SLC47A1: variants seen among roughly 807,000 people sequenced by gnomAD.
SLC47A1 encodes multidrug and toxin extrusion protein 1.
Under a neutral mutation model 65.8 loss-of-function variants are expected in SLC47A1, and 58 were observed. The observed-to-expected ratio is 0.88, with a 90% CI of 0.71 to 1.10. The LOEUF is 1.10. Among genes scored for constraint, SLC47A1 ranks in the 50% least tolerant of loss-of-function variants. SLC47A1 has a pLI of 0.00. For synonymous variants in SLC47A1, 285 were observed against 295.0 expected, an observed-to-expected ratio of 0.97 and a Z score of 0.35; for missense variants, 706 against 719.2, an observed-to-expected ratio of 0.98 and a Z score of 0.21.
At position 19,560,489 on chromosome 17, in the gene SLC47A1, G is replaced by A. The variant is rs551319180; in HGVS notation, c.1102G>A (p.Asp368Asn). The stretch of plus-strand genomic sequence containing the variant: ...TCACGTGGGGTACATTTTTACTACC[G>A]ACCGGTGAGTGCTAGGATTTTCTTG... ...KDHVGYIFTT[D>N]RDIINLVAQV... The change falls in exon 12 of 17, where the codon GAC (aspartate) becomes AAC (asparagine). Residue 368 changes from aspartate to asparagine, a missense_variant. Asp to Asn is a conservative substitution (Grantham distance 23). Coordinates refer to ENST00000270570, the MANE Select transcript of SLC47A1 (RefSeq NM_018242.3). 18 of 1,613,984 alleles carry A rather than the reference G, an allele frequency of 1.1e-5. No homozygotes were observed. The highest frequency in any genetic ancestry group is 7.7e-5 in the South Asian group (7 of 91,064).
In SLC47A1 at chr17:19,551,331, C is replaced by A. The variant is rs543712755; in HGVS notation, c.499-93C>A. 3.9e-5 allele frequency: 45 copies of A among 1,145,848 alleles called. No individual in the cohort carries two copies. In the East Asian group the frequency reaches 9.9e-4, roughly 25 times the overall value. The allele number at this position is 1,145,848 out of a possible 1,614,324, so 71.0% of individuals were successfully genotyped here. A position where few individuals can be genotyped will look rare whatever the true frequency, so the allele number is the denominator to read the frequency against. ...CGTGCGGGAGCAGAGGGCAGCCGAACCTTGGCTGTGGCTCCTAGCTCCCTG... is the reference window on the plus strand; with the variant it reads ...CGTGCGGGAGCAGAGGGCAGCCGAAACTTGGCTGTGGCTCCTAGCTCCCTG... On this transcript the variant is annotated intron_variant, in intron 5 of 16. Transcript: ENST00000270570.
chr17:19,555,087 A>ATGTCG, intron 6 of SLC47A1, 125 bp from the exon 7 acceptor site: 1 of 804,748 alleles, frequency 1.2e-6, no homozygotes, highest in South Asian at 1.5e-5. Flanking sequence ...CTCCCCAGTT[A>ATGTCG]AGCCCCCCAG....
chr17:19,540,458 A>G (rs1597493005), intron 1 of SLC47A1, among the ~76,000 whole-genome samples: 2 of 152,226 alleles, frequency 1.3e-5, no homozygotes, highest in African/African-American at 4.8e-5. Flanking sequence ...AATAAAAGGG[A>G]CCCTGTGGCC....
chr17:19,560,499 T>C lies in SLC47A1; in HGVS notation c.1106+6T>C. On this transcript the variant is annotated splice_donor_region_variant and intron_variant, in intron 12 of 16. Coordinates refer to ENST00000270570, the MANE Select transcript of SLC47A1 (RefSeq NM_018242.3). ...TACATTTTTACTACCGACCGGTGAG[T>C]GCTAGGATTTTCTTGAAATGTGAAA... The C allele has an allele frequency of 6.2e-7, 1 of 1,613,954 alleles. No individual in the cohort carries two copies. The highest frequency in any genetic ancestry group is 8.5e-7 in the Non-Finnish European group (1 of 1,179,842).
chr17:19,571,206 A>G (rs1009760754), intron 14 of SLC47A1, among the ~76,000 whole-genome samples: 2 of 152,138 alleles, frequency 1.3e-5, no homozygotes, highest in Non-Finnish European at 1.5e-5. Context: ...GGCCAAAAAT[A>G]TCCTCTGAAT....
chr17:19,552,543 C>T (rs1330823771), intron 6 of SLC47A1, among the ~76,000 whole-genome samples: 1 of 152,172 alleles, frequency 6.6e-6, no homozygotes, highest in Non-Finnish European at 1.5e-5. Context: ...GACTCAGTCC[C>T]CCAACCACTG....
At chr17:19,551,344 T>C in intron 5 of SLC47A1, 80 bp from the exon 6 acceptor site, 1 of 1,270,856 alleles carries the variant, frequency 7.9e-7, no homozygotes, top group Non-Finnish European at 1.2e-6. Context: ...TGGCTGTGGC[T>C]CCTAGCTCCC....
chr17:19,546,479 T>G lies in SLC47A1; in HGVS notation c.282T>G (p.Ser94=), dbSNP rs1916294426. 1.9e-6 allele frequency: 3 copies of G among 1,613,828 alleles called. No homozygotes were observed. The highest frequency in any genetic ancestry group is 1.7e-5 in the Admixed American group (1 of 59,964). The change falls in exon 3 of 17, where the codon TCT becomes TCG. Residue 94 remains serine, a synonymous_variant. Coordinates refer to ENST00000270570, the MANE Select transcript of SLC47A1 (RefSeq NM_018242.3). ...TCTCAGTGGGATTCGGCTTATCTTC[T>G]GCCTGTGACACCCTCATCTCCCAGG... ...TGVSVGFGLS[S]ACDTLISQTY...
chr17:19,567,060 A>AT (rs1203062239), intron 13 of SLC47A1, 36 bp from the exon 14 acceptor site: 2 of 1,613,984 alleles, frequency 1.2e-6, no homozygotes, highest in Admixed American at 3.3e-5. Context: ...AGAGCGCCGG[A>AT]TGTGTTCACA....
At chr17:19,551,514 T>C in intron 6 of SLC47A1, 46 bp downstream of exon 6, 1 of 1,564,306 alleles carries the variant, frequency 6.4e-7, no homozygotes, top group Non-Finnish European at 8.8e-7. Context: ...TGGGAGTTTG[T>C]ACCTTTCTGG....
intron 12 of SLC47A1, among the ~76,000 whole-genome samples, chr17:19,565,449 G>A (rs2440156): frequency 0.2 from 30,233 of 151,976 alleles, 3,216 homozygotes; most frequent in East Asian, 0.44. Flanking sequence ...GATGGGGAAC[G>A]GGGGAGGGAT....
At chr17:19,573,139 C>T (rs2045057605) in intron 16 of SLC47A1, among the ~76,000 whole-genome samples, 1 of 152,202 alleles carries the variant, frequency 6.6e-6, no homozygotes, top group Admixed American at 6.5e-5. Flanking sequence ...AAATACTGTG[C>T]TTCTACCATA....
chr17:19,546,175 G>A (rs1379416873), intron 2 of SLC47A1, among the ~76,000 whole-genome samples: 3 of 152,066 alleles, frequency 2.0e-5, no homozygotes, highest in African/African-American at 4.8e-5. Context: ...AGCCGAGATC[G>A]CGCCACTGCA....
chr17:19,547,883 C>G, intron 3 of SLC47A1, 102 bp from the exon 4 acceptor site: 1 of 1,377,948 alleles, frequency 7.3e-7, no homozygotes, highest in Non-Finnish European at 9.8e-7. Context: ...CCACCTTATC[C>G]AGCCAACCTG....
rs1396481847 is a variant in SLC47A1 at position 19,566,841 on chromosome 17, C to A, written c.1158C>A (p.His386Gln). Residue 386 changes from histidine (H) to glutamine (Q), a missense_variant, in exon 13 of 17, where the codon CAC becomes CAA. Physicochemically the swap from His to Gln is conservative, Grantham distance 24. Coordinates refer to ENST00000270570, the MANE Select transcript of SLC47A1 (RefSeq NM_018242.3). ...AQVVPIYAVS[H>Q]LFEALACTSG... is the part of the protein sequence containing the mutation. ...TGGTTCCAATTTATGCTGTTTCCCA[C>A]CTCTTTGAAGCTCTTGCTGTAAGTA... The A allele has an allele frequency of 1.2e-6, 2 of 1,614,064 alleles. No individual in the cohort carries two copies. Among genetic ancestry groups the A allele is most frequent in the Non-Finnish European group, 1.7e-6 (2 of 1,180,038 alleles).
chr17:19,574,405 ACT>A (rs2084423424), intron 16 of SLC47A1, among the ~76,000 whole-genome samples: 1 of 151,772 alleles, frequency 6.6e-6, no homozygotes, highest in Non-Finnish European at 1.5e-5. Context: ...ATCTGAATGA[ACT>A]CTCTGATGTG....
chr17:19,542,309 G>T, intron 1 of SLC47A1, 84 bp from the exon 2 acceptor site: 1 of 809,418 alleles, frequency 1.2e-6, no homozygotes. Context: ...GACTGGACTT[G>T]TTGGGTCGGG....
chr17:19,572,678 C>T, intron 15 of SLC47A1, 102 bp from the exon 16 acceptor site: 1 of 1,021,414 alleles, frequency 9.8e-7, no homozygotes, highest in Non-Finnish European at 1.5e-6. Context: ...GCTATACATG[C>T]CAATTAAGGA....
In SLC47A1 at chr17:19,549,196, C is replaced by T. The variant is rs76163475; in HGVS notation, c.456-439C>T. Among the ~76,000 whole-genome samples the T allele has an allele frequency of 9.1e-3, 1,383 of 151,862 alleles. 19 individuals are homozygous for T. The highest frequency in any genetic ancestry group is 0.032 in the African/African-American group (1,314 of 41,440). On this transcript the variant is annotated intron_variant, in intron 4 of 16. Transcript: ENST00000270570. ...TATATGTAAATTTTCACATTTGCTCCGCAGTTTTGTTTTTTTTTTTGAGAT... is the reference window on the plus strand; with the variant it reads ...TATATGTAAATTTTCACATTTGCTCTGCAGTTTTGTTTTTTTTTTTGAGAT...
Sources: allele counts gnomAD v4.1 joint callset (sites outside exome capture counted in the v4.1 genomes callset), GRCh38; gene constraint gnomAD v4.1.1; transcripts MANE v1.5; gene names NCBI Gene and HGNC (gene_info 2026-07-23, HGNC 2026-07-21).